Variants in PIAS2 observed in about 807,000 individuals in gnomAD.
The protein encoded by PIAS2 is protein inhibitor of activated STAT 2, also known as E3 SUMO-protein ligase PIAS2.
PIAS2 carries 19 observed loss-of-function variants against 69.7 expected under a neutral mutation model. The observed-to-expected ratio is 0.27, with a 90% CI of 0.19 to 0.40. The LOEUF (loss-of-function observed/expected upper bound fraction) is 0.40. PIAS2 is among the 10% of genes least tolerant of loss of function. The probability of loss-of-function intolerance (pLI) is 1.00; values close to 1 mark genes in which losing one functional copy is unlikely to be tolerated. For synonymous variants in PIAS2, 261 were observed against 263.2 expected (o/e 0.99, Z 0.08); for missense variants, 624 against 757.0 (o/e 0.82, Z 2.06).
intron 5 of PIAS2, among the ~76,000 whole-genome samples, chr18:46,854,604 T>C (rs988322852): frequency 2.0e-5 from 3 of 152,226 alleles, no homozygotes; most frequent in African/African-American, 7.2e-5. Context: ...ACTATCAGGA[T>C]TTGAAGAGTC....
At chr18:46,876,606 G>A (rs773235998) in intron 2 of PIAS2, among the ~76,000 whole-genome samples, 9 of 151,952 alleles carry the variant, frequency 5.9e-5, no homozygotes, top group South Asian at 2.1e-4. Context: ...TACTGCTCCC[G>A]ATGGAACCAT....
At chr18:46,857,263 G>C (rs984314764) in intron 3 of PIAS2, among the ~76,000 whole-genome samples, 12 of 152,268 alleles carry the variant, frequency 7.9e-5, no homozygotes, top group African/African-American at 2.6e-4. Flanking sequence ...TCTGGGTGCT[G>C]GAGCTTCAAA....
At chr18:46,864,137 G>A (rs369304572) in intron 3 of PIAS2, 27 bp downstream of exon 3, 28 of 1,307,320 alleles carry the variant, frequency 2.1e-5, no homozygotes, top group Non-Finnish European at 2.6e-5. Flanking sequence ...ATATTCATGA[G>A]AAATATATTC....
At chr18:46,906,257 T>C (rs1303931908) in intron 1 of PIAS2, 1 of 151,054 alleles carries the variant, frequency 6.6e-6, no homozygotes, top group African/African-American at 2.4e-5. Flanking sequence ...CCCTTTAAAA[T>C]CAGGAACAAG....
chr18:46,811,733 A>G lies in PIAS2; in HGVS notation c.*700T>C, dbSNP rs2041014227. On this transcript the variant is annotated 3_prime_UTR_variant, in exon 14 of 14. Transcript: ENST00000585916. ...CTGCATAGTGCTTTTAAACATAATC[A>G]CCAATGAAGAGTAGCCAAATCCCAG... 6.6e-6 allele frequency: 1 copy of G among 152,232 alleles called. No individual in the cohort carries two copies. Among genetic ancestry groups the G allele is most frequent in the African/African-American group, 2.4e-5 (1 of 41,460 alleles). The allele number at this position is 152,232 out of a possible 1,614,324, so 9.4% of individuals were successfully genotyped here.
At chr18:46,865,332 G>C (rs1283045276) in intron 2 of PIAS2, among the ~76,000 whole-genome samples, 2 of 152,074 alleles carry the variant, frequency 1.3e-5, no homozygotes, top group Admixed American at 6.6e-5. Context: ...TTGAGGTCAA[G>C]TGTTCAAGAC....
chr18:46,883,939 T>A (rs186336221), intron 2 of PIAS2, among the ~76,000 whole-genome samples: 1 of 152,110 alleles, frequency 6.6e-6, no homozygotes, highest in Non-Finnish European at 1.5e-5. Context: ...ACCTGAGAGG[T>A]AGAGGGTGCA....
chr18:46,836,328 A>G (rs771580087), intron 9 of PIAS2, 29 bp downstream of exon 9: 1 of 1,587,724 alleles, frequency 6.3e-7, no homozygotes, highest in South Asian at 1.1e-5. Context: ...GTATTAGTCC[A>G]TATCAGCTGT....
At chr18:46,813,968 G>GGGTA (rs2144710264) in intron 13 of PIAS2, among the ~76,000 whole-genome samples, 1 of 152,182 alleles carries the variant, frequency 6.6e-6, no homozygotes, top group African/African-American at 2.4e-5. Flanking sequence ...TAAAACTGGG[G>GGGTA]GGTAAATCTA....
intron 13 of PIAS2, among the ~76,000 whole-genome samples, chr18:46,814,008 C>A (rs2041248103): frequency 6.6e-6 from 1 of 152,116 alleles, no homozygotes; most frequent in Admixed American, 6.6e-5. Context: ...ACATTTTATT[C>A]CTGCTGCCTC....
At chr18:46,886,753 C>T (rs2053255840) in intron 2 of PIAS2, among the ~76,000 whole-genome samples, 1 of 152,076 alleles carries the variant, frequency 6.6e-6, no homozygotes, top group Non-Finnish European at 1.5e-5. Flanking sequence ...AGGAGAACTG[C>T]TTGAACCCGG....
chr18:46,824,253 T>C (rs1016235806), intron 11 of PIAS2, among the ~76,000 whole-genome samples: 1 of 152,176 alleles, frequency 6.6e-6, no homozygotes, highest in Admixed American at 6.5e-5. Flanking sequence ...GGTTGACCAT[T>C]TCTATTTATA....
Position 46,811,248 on chromosome 18 carries a change from T to C in PIAS2, c.*1185A>G, listed in dbSNP as rs889629272. On this transcript the variant is annotated 3_prime_UTR_variant, in exon 14 of 14. Coordinates refer to ENST00000585916, the MANE Select transcript of PIAS2 (RefSeq NM_004671.5). Reference sequence around the variant, plus strand: ...TTGTCGTTTGTAGTTTCAGGTAAGATATCATTTTAAAAAAATGAAAAAAAA... The same window carrying C: ...TTGTCGTTTGTAGTTTCAGGTAAGACATCATTTTAAAAAAATGAAAAAAAA... The C allele has an allele frequency of 4.0e-5, 6 of 150,608 alleles. No individual in the cohort carries two copies. Among genetic ancestry groups the C allele is most frequent in the Non-Finnish European group, 5.9e-5 (4 of 67,820 alleles). The allele number at this position is 150,608 out of a possible 1,614,324, so 9.3% of individuals were successfully genotyped here.
chr18:46,869,431 G>C (rs968603576), intron 2 of PIAS2, among the ~76,000 whole-genome samples: 3 of 152,080 alleles, frequency 2.0e-5, no homozygotes, highest in African/African-American at 7.3e-5. Context: ...ACAAGGGATT[G>C]AGCCTCAGCA....
At chr18:46,889,144 C>A (rs2053667787) in intron 2 of PIAS2, among the ~76,000 whole-genome samples, 1 of 152,136 alleles carries the variant, frequency 6.6e-6, no homozygotes, top group Non-Finnish European at 1.5e-5. Flanking sequence ...AAGGAAAACA[C>A]AGGGCAAAAC....
intron 10 of PIAS2, among the ~76,000 whole-genome samples, chr18:46,828,433 C>T (rs1183422296): frequency 6.6e-6 from 1 of 152,214 alleles, no homozygotes; most frequent in Non-Finnish European, 1.5e-5. Context: ...TCCTACTGCT[C>T]ATCCTGTCTC....
intron 2 of PIAS2, among the ~76,000 whole-genome samples, chr18:46,865,223 A>G (rs1272485752): frequency 1.3e-5 from 2 of 152,146 alleles, no homozygotes; most frequent in Admixed American, 1.3e-4. Flanking sequence ...TTGCTTCCTA[A>G]CAATTGCAAC....
At chr18:46,813,550 T>C (rs2041197280) in intron 13 of PIAS2, among the ~76,000 whole-genome samples, 1 of 152,200 alleles carries the variant, frequency 6.6e-6, no homozygotes. Context: ...AGTTCAACTG[T>C]ATGAAAGATC....
intron 2 of PIAS2, among the ~76,000 whole-genome samples, chr18:46,866,394 G>T (rs2049468882): frequency 6.6e-6 from 1 of 152,182 alleles, no homozygotes; most frequent in Non-Finnish European, 1.5e-5. Flanking sequence ...TTAAAGTGGT[G>T]AAAGAACAAA....
Sources: gnomAD v4.1 joint callset for allele counts (sites outside exome capture counted in the v4.1 genomes callset) on GRCh38, gnomAD v4.1.1 for gene constraint, MANE v1.5 for transcripts, NCBI Gene and HGNC (gene_info 2026-07-23, HGNC 2026-07-21) for gene names.